KMT2C: variants seen among roughly 807,000 people sequenced by gnomAD.
KMT2C encodes lysine methyltransferase 2C, also known as histone-lysine N-methyltransferase 2C.
KMT2C carries 88 observed loss-of-function variants against 507.9 expected under a neutral mutation model. The observed-to-expected ratio is 0.17, with a 90% CI of 0.15 to 0.21. The LOEUF (loss-of-function observed/expected upper bound fraction) is 0.21, where lower values mean the gene tolerates loss of function less well. Among genes scored for constraint, KMT2C ranks in the 10% least tolerant of loss-of-function variants. The pLI is 1.00. For missense variants in KMT2C, 4,954 were observed against 5,957.8 expected, an observed-to-expected ratio of 0.83 and a Z score of 5.55; for synonymous variants, 2,049 against 2,080.8, an observed-to-expected ratio of 0.98 and a Z score of 0.42.
chr7:152,192,589 T>G (rs1442833014), intron 31 of KMT2C, among the ~76,000 whole-genome samples: 1 of 151,022 alleles, frequency 6.6e-6, no homozygotes, highest in Non-Finnish European at 1.5e-5. Context: ...AAGGCAAGAA[T>G]AGTTATATGA....
At chr7:152,407,994 A>G (rs1171794301) in intron 1 of KMT2C, among the ~76,000 whole-genome samples, 1 of 152,312 alleles carries the variant, frequency 6.6e-6, no homozygotes, top group African/African-American at 2.4e-5. Flanking sequence ...TACTTTTGTA[A>G]TAGTGGCCAA....
At chr7:152,420,875 A>T (rs764007323) in intron 1 of KMT2C, among the ~76,000 whole-genome samples, 1 of 152,034 alleles carries the variant, frequency 6.6e-6, no homozygotes, top group Non-Finnish European at 1.5e-5. Context: ...AAGGAACTTA[A>T]ATCAACAAGC....
intron 6 of KMT2C, among the ~76,000 whole-genome samples, chr7:152,299,813 T>G: frequency 6.6e-6 from 1 of 151,902 alleles, no homozygotes; most frequent in African/African-American, 2.4e-5. Context: ...TTATATGTTT[T>G]TATCAGAGAA....
chr7:152,232,518 C>G (rs545387927), intron 16 of KMT2C, among the ~76,000 whole-genome samples: 2 of 152,076 alleles, frequency 1.3e-5, no homozygotes, highest in Non-Finnish European at 1.5e-5. Context: ...GAAATTGCTG[C>G]TTTTCATCAG....
intron 1 of KMT2C, among the ~76,000 whole-genome samples, chr7:152,413,671 G>A (rs1251928920): frequency 6.6e-6 from 1 of 151,296 alleles, no homozygotes; most frequent in Non-Finnish European, 1.5e-5. Context: ...GATCACCTGA[G>A]GTCAGGAGTT....
Position 152,389,257 on chromosome 7 carries a change from C to T in KMT2C, c.162-30582G>A, listed in dbSNP as rs558640681. 6.7e-5 allele frequency among the ~76,000 whole-genome samples: 10 copies of T among 148,608 alleles called. No individual in the cohort carries two copies. In the South Asian group the frequency reaches 2.1e-3, roughly 32 times the overall value. ...CTGGAGACTGGAAGTCCCAGCTACTCGGGAGGCTGAGGTAGGAGAATCACT... is the reference window on the plus strand; with the variant it reads ...CTGGAGACTGGAAGTCCCAGCTACTTGGGAGGCTGAGGTAGGAGAATCACT... On this transcript the variant is annotated intron_variant, in intron 1 of 58. Coordinates refer to ENST00000262189, the MANE Select transcript of KMT2C (RefSeq NM_170606.3).
chr7:152,224,494 G>A lies in KMT2C; in HGVS notation c.3099C>T (p.His1033=), dbSNP rs770321601. Residue 1033 remains histidine, a synonymous_variant, in exon 19 of 59, where the codon CAC becomes CAT. Transcript: ENST00000262189. ...LLCDDCDISY[H]TYCLDPPLQT... The stretch of plus-strand genomic sequence containing the variant: ...GCAATGGAGGGTCTAGGCAGTAGGT[G>A]TGATAACTTATGTCACAGTCATCAC... 4 of 1,611,926 alleles carry A rather than the reference G, an allele frequency of 2.5e-6. No homozygotes were observed. The highest frequency in any genetic ancestry group is 2.3e-4 in the Middle Eastern group (1 of 4,430).
At chr7:152,338,826 T>C (rs1235064548) in intron 2 of KMT2C, among the ~76,000 whole-genome samples, 1 of 152,226 alleles carries the variant, frequency 6.6e-6, no homozygotes, top group Non-Finnish European at 1.5e-5. Flanking sequence ...AAGAGAAATG[T>C]TAACAGTCTT....
Position 152,139,237 on chromosome 7 carries a change from C to G in KMT2C, c.14483G>C (p.Arg4828Pro). The part of the protein sequence containing the change: ...ESQNRGVYMF[R>P]MDNDHVIDAT... ...GTCAATCACATGGTCGTTATCCATGCGGAACATGTACACACCACGGTTCTG... is the reference window on the plus strand; with the variant it reads ...GTCAATCACATGGTCGTTATCCATGGGGAACATGTACACACCACGGTTCTG... The change falls in exon 57 of 59, where the codon CGC becomes CCC. Residue 4828 changes from arginine (R) to proline (P), a missense_variant. Coordinates refer to ENST00000262189, the MANE Select transcript of KMT2C (RefSeq NM_170606.3). 1 of 1,613,774 alleles carries G rather than the reference C, an allele frequency of 6.2e-7. No individual in the cohort carries two copies.
intron 1 of KMT2C, among the ~76,000 whole-genome samples, chr7:152,361,743 CAT>C (rs1178523136): frequency 7.9e-5 from 12 of 151,938 alleles, no homozygotes; most frequent in South Asian, 4.2e-4. Context: ...TCACAGTAAA[CAT>C]AAATGGCTTA....
intron 13 of KMT2C, 124 bp downstream of exon 13, chr7:152,249,752 A>C (rs1270922955): frequency 2.5e-6 from 1 of 393,154 alleles, no homozygotes; most frequent in Non-Finnish European, 4.5e-6. Context: ...CTTTTCCAGA[A>C]TCTCTTAACT....
At chr7:152,371,094 A>T (rs557935444) in intron 1 of KMT2C, among the ~76,000 whole-genome samples, 3 of 152,360 alleles carry the variant, frequency 2.0e-5, no homozygotes, top group Admixed American at 2.0e-4. Flanking sequence ...CAATATATTC[A>T]AATTCAGAAT....
At chr7:152,318,695 C>G (rs188461759) in intron 3 of KMT2C, among the ~76,000 whole-genome samples, 266 of 132,854 alleles carry the variant, frequency 2.0e-3, no homozygotes, top group Non-Finnish European at 3.1e-3. Flanking sequence ...ACATATAAAA[C>G]AAGGACAAAA....
chr7:152,374,702 C>A (rs998608547), intron 1 of KMT2C, among the ~76,000 whole-genome samples: 8 of 151,816 alleles, frequency 5.3e-5, no homozygotes, highest in African/African-American at 1.9e-4. Flanking sequence ...AGTTCCAGAC[C>A]AGCCTGGCCA....
At chr7:152,165,220 CATG>C (rs1294358880) in intron 42 of KMT2C, among the ~76,000 whole-genome samples, 1 of 152,206 alleles carries the variant, frequency 6.6e-6, no homozygotes, top group Non-Finnish European at 1.5e-5. Flanking sequence ...ATGTCTTTCC[CATG>C]ATATTTTATA....
chr7:152,295,347 G>A (rs1283699970), intron 6 of KMT2C, among the ~76,000 whole-genome samples: 2 of 152,094 alleles, frequency 1.3e-5, no homozygotes, highest in East Asian at 1.9e-4. Context: ...CAAAGCCAAG[G>A]AAATTTTCCA....
At chr7:152,174,630 G>C (rs948988367) in intron 38 of KMT2C, among the ~76,000 whole-genome samples, 5 of 152,070 alleles carry the variant, frequency 3.3e-5, no homozygotes, top group African/African-American at 1.2e-4. Context: ...AAAGAAAAAT[G>C]CACCAATTTC....
chr7:152,400,048 C>T (rs981142007), intron 1 of KMT2C, among the ~76,000 whole-genome samples: 4 of 152,056 alleles, frequency 2.6e-5, no homozygotes, highest in African/African-American at 9.7e-5. Flanking sequence ...GGGGTTCACG[C>T]CTGTAATCCC....
chr7:152,329,161 T>C (rs1387568771), intron 3 of KMT2C, among the ~76,000 whole-genome samples: 1 of 152,116 alleles, frequency 6.6e-6, no homozygotes, highest in Non-Finnish European at 1.5e-5. Context: ...ATCTGAGGAC[T>C]TATCCTTAAG....
Sources: allele counts gnomAD v4.1 joint callset (sites outside exome capture counted in the v4.1 genomes callset), GRCh38; gene constraint gnomAD v4.1.1; transcripts MANE v1.5; gene names NCBI Gene and HGNC (gene_info 2026-07-23, HGNC 2026-07-21).